GSX2: variants seen among roughly 807,000 people sequenced by gnomAD.
The protein encoded by GSX2 is genetic-screened homeobox 2.
Under a neutral mutation model 19.2 loss-of-function variants are expected in GSX2, and 16 were observed. The ratio of observed to expected loss-of-function variants is 0.84; its 90% confidence interval spans 0.57 to 1.27. The LOEUF (loss-of-function observed/expected upper bound fraction) is 1.27. GSX2 is among the 50% of genes most tolerant of loss of function. GSX2 has a pLI of 0.00. For missense variants in GSX2, 448 were observed against 428.4 expected (o/e 1.05, Z -0.40); for synonymous variants, 217 against 196.4 (o/e 1.10, Z -0.88).
In GSX2 at chr4:54,100,885, G is replaced by A. The variant is rs1718161693; in HGVS notation, c.541G>A (p.Ala181Thr). Residue 181 changes from alanine (A) to threonine (T), a missense_variant, in exon 1 of 2, where the codon GCG (alanine) becomes ACG (threonine). Transcript: ENST00000326902. ...CTGCACCGCCACCACCTACAACGTG[G>A]CGGACCCGCGGAGATTCCACTGCCT... ...PVCTATTYNV[A>T]DPRRFHCLTM... 1.3e-6 allele frequency: 2 copies of A among 1,573,156 alleles called. No individual in the cohort carries two copies. The highest frequency in any genetic ancestry group is 8.6e-7 in the Non-Finnish European group (1 of 1,167,230).
Position 54,101,789 on chromosome 4 carries a change from G to T in GSX2, c.782G>T (p.Gly261Val), listed in dbSNP as rs780361679. 33 of 1,614,244 alleles carry T rather than the reference G, an allele frequency of 2.0e-5. No individual in the cohort carries two copies. Among genetic ancestry groups the T allele is most frequent in the Non-Finnish European group, 2.8e-5 (33 of 1,180,050 alleles). ...QNRRVKHKKE[G>V]KGTQRNSHAG... ...CGCCGAGTGAAGCACAAGAAGGAGG[G>T]GAAGGGCACGCAGAGGAACAGTCAC... The change falls in exon 2 of 2, where the codon GGG (glycine) becomes GTG (valine). Residue 261 changes from glycine to valine, a missense_variant. Physicochemically the swap from Gly to Val is moderately radical, Grantham distance 109. Transcript: ENST00000326902. The surrounding 1 kb of genome is among the most constrained non-coding windows in gnomAD (Gnocchi z 5.0).
Position 54,101,790 on chromosome 4 carries a change from G to T in GSX2, c.783G>T (p.Gly261=), listed in dbSNP as rs749731942. 5 of 1,614,136 alleles carry T rather than the reference G, an allele frequency of 3.1e-6. No individual in the cohort carries two copies. Among genetic ancestry groups the T allele is most frequent in the Non-Finnish European group, 4.2e-6 (5 of 1,180,068 alleles). Residue 261 remains glycine, a synonymous_variant, in exon 2 of 2, where the codon GGG becomes GGT. Transcript: ENST00000326902. The surrounding 1 kb of genome is among the most constrained non-coding windows in gnomAD (Gnocchi z 5.0). ...QNRRVKHKKE[G]KGTQRNSHAG... is the part of the protein sequence containing the mutation. ...GCCGAGTGAAGCACAAGAAGGAGGGGAAGGGCACGCAGAGGAACAGTCACG... is the reference window on the plus strand; with the variant it reads ...GCCGAGTGAAGCACAAGAAGGAGGGTAAGGGCACGCAGAGGAACAGTCACG...
chr4:54,101,713 G>A lies in GSX2; in HGVS notation c.706G>A (p.Ala236Thr). 1 of 1,614,150 alleles carries A rather than the reference G, an allele frequency of 6.2e-7. No individual in the cohort carries two copies. Among genetic ancestry groups the A allele is most frequent in the Non-Finnish European group, 8.5e-7 (1 of 1,180,018 alleles). Reference sequence around the variant, plus strand: ...GTCTCGACTCCGGAGGATTGAAATCGCCACTTACCTGAACCTGTCGGAGAA... The same window carrying A: ...GTCTCGACTCCGGAGGATTGAAATCACCACTTACCTGAACCTGTCGGAGAA... ...YLSRLRRIEI[A>T]TYLNLSEKQV... The change falls in exon 2 of 2, where the codon GCC (alanine) becomes ACC (threonine). Residue 236 changes from alanine (A) to threonine (T), a missense_variant. Ala to Thr is a moderately conservative substitution (Grantham distance 58). Transcript: ENST00000326902. The surrounding 1 kb of genome is among the most constrained non-coding windows in gnomAD (Gnocchi z 5.0).
Position 54,100,551 on chromosome 4 carries a change from G to C in GSX2, c.207G>C (p.Leu69=). The C allele has an allele frequency of 6.2e-7, 1 of 1,607,088 alleles. No individual in the cohort carries two copies. Among genetic ancestry groups the C allele is most frequent in the Non-Finnish European group, 8.5e-7 (1 of 1,178,008 alleles). ...CVCPLCVTSH[L]HSSRGSVGAG... ...GCCCTCTCTGCGTCACTTCGCACCT[G>C]CACTCCTCTCGGGGGTCTGTGGGCG... The change falls in exon 1 of 2, where the codon CTG becomes CTC. Residue 69 remains leucine (L), a synonymous_variant. Transcript: ENST00000326902.
In GSX2 at chr4:54,100,390, T is replaced by A. The variant is rs201536623; in HGVS notation, c.46T>A (p.Ser16Thr). ...CGACTCGCTCATCATCAAGGACACC[T>A]CACGGCCTGCGCCCTCGCTGCCTGA... ...YVDSLIIKDTSRPAPSLPEPH... is the reference protein window; with the variant it reads ...YVDSLIIKDTTRPAPSLPEPH... The change falls in exon 1 of 2, where the codon TCA becomes ACA. Residue 16 changes from serine (S) to threonine (T), a missense_variant. Ser to Thr is a moderately conservative substitution (Grantham distance 58). Coordinates refer to ENST00000326902, the MANE Select transcript of GSX2 (RefSeq NM_133267.3). The A allele has an allele frequency of 9.9e-6, 16 of 1,613,932 alleles. No individual in the cohort carries two copies. In the East Asian group the frequency reaches 3.6e-4, roughly 36 times the overall value.
Position 54,100,654 on chromosome 4 carries a change from C to G in GSX2, c.310C>G (p.Leu104Val). 1.3e-6 allele frequency: 2 copies of G among 1,548,128 alleles called. No homozygotes were observed. The highest frequency in any genetic ancestry group is 2.4e-5 in the East Asian group (1 of 40,890). ...GVAGAAGALPLLKGQFSSAPG... is the reference protein window; with the variant it reads ...GVAGAAGALPVLKGQFSSAPG... ...GGCAGGGGCCGCAGGGGCACTGCCT[C>G]TGCTTAAGGGCCAGTTCTCTTCGGC... is the stretch of plus-strand genomic sequence containing the variant. Residue 104 changes from leucine to valine, a missense_variant, in exon 1 of 2, where the codon CTG becomes GTG. By Grantham distance (32) the Leu-to-Val change is conservative. Coordinates refer to ENST00000326902, the MANE Select transcript of GSX2 (RefSeq NM_133267.3).
At position 54,101,686 on chromosome 4, in the gene GSX2, C is replaced by A. The variant is rs774428828; in HGVS notation, c.679C>A (p.Leu227Met). The A allele has an allele frequency of 1.5e-5, 25 of 1,614,122 alleles. No individual in the cohort carries two copies. Among genetic ancestry groups the A allele is most frequent in the Non-Finnish European group, 2.0e-5 (24 of 1,179,954 alleles). The change falls in exon 2 of 2, where the codon CTG becomes ATG. Residue 227 changes from leucine to methionine, a missense_variant. Transcript: ENST00000326902. This position sits in a 1 kb window ranked among gnomAD's most constrained non-coding sequence, Gnocchi z 5.0. ...LEREFSSNMY[L>M]SRLRRIEIAT... The stretch of plus-strand genomic sequence containing the variant: ...GAGAGAATTCTCTTCCAACATGTAC[C>A]TGTCTCGACTCCGGAGGATTGAAAT...
rs964686380 is a variant in GSX2, at chr4:54,101,497, C to T, written c.575-85C>T. On this transcript the variant is annotated intron_variant, in intron 1 of 1. Coordinates refer to ENST00000326902, the MANE Select transcript of GSX2 (RefSeq NM_133267.3). The surrounding 1 kb of genome is among the most constrained non-coding windows in gnomAD (Gnocchi z 5.0). ...TTCGGCTGGGCTTCCCCGGGTGGGT[C>T]CCTGAAATGCGTCCTGGTTAGCACA... The T allele has an allele frequency of 3.6e-6, 3 of 840,098 alleles. No homozygotes were observed. Among genetic ancestry groups the T allele is most frequent in the African/African-American group, 3.4e-5 (2 of 58,678 alleles). The allele number at this position is 840,098 out of a possible 1,614,324, so 52.0% of individuals were successfully genotyped here. A position where few individuals can be genotyped will look rare whatever the true frequency, so the allele number is the denominator to read the frequency against.
rs893504898 is a variant in GSX2, at chr4:54,100,179, A to T, written c.-166A>T. 8.9e-5 allele frequency: 86 copies of T among 965,728 alleles called. No individual in the cohort carries two copies. Among genetic ancestry groups the T allele is most frequent in the Non-Finnish European group, 1.2e-4 (79 of 667,032 alleles). 59.8% of individuals were successfully genotyped at this position (965,728 alleles called of 1,614,324 possible). ...GCGCCGGGCGGGGGACGTGAGGACC[A>T]GCCCTCTCCGGGGACCCCTTTGTTC... On this transcript the variant is annotated 5_prime_UTR_variant, in exon 1 of 2. Coordinates refer to ENST00000326902, the MANE Select transcript of GSX2 (RefSeq NM_133267.3).
rs1718166728 is a variant in GSX2 at position 54,101,154 on chromosome 4, A to G, written c.574+236A>G. ...GTAGTAGGTGCTCGAGTATTGCCTT[A>G]TTAATACTGGGGCCTTAGGGACCTC... On this transcript the variant is annotated intron_variant, in intron 1 of 1. Transcript: ENST00000326902. The surrounding 1 kb of genome is among the most constrained non-coding windows in gnomAD (Gnocchi z 5.0). 6.6e-6 allele frequency among the ~76,000 whole-genome samples: 1 copy of G among 152,220 alleles called. No homozygotes were observed. Among genetic ancestry groups the G allele is most frequent in the Non-Finnish European group, 1.5e-5 (1 of 68,032 alleles).
Position 54,101,467 on chromosome 4 carries a change from A to G in GSX2, c.575-115A>G, listed in dbSNP as rs1718173339. The G allele has an allele frequency of 1.5e-6, 1 of 657,146 alleles. No homozygotes were observed. The highest frequency in any genetic ancestry group is 2.7e-6 in the Non-Finnish European group (1 of 371,008). 40.7% of individuals were successfully genotyped at this position (657,146 alleles called of 1,614,324 possible). On this transcript the variant is annotated intron_variant, in intron 1 of 1. Transcript: ENST00000326902. This position sits in a 1 kb window ranked among gnomAD's most constrained non-coding sequence, Gnocchi z 5.0. ...GTGCCTTGAAATGGGAAAGGGATAC[A>G]GATGTTCGGCTGGGCTTCCCCGGGT...
Position 54,101,478 on chromosome 4 carries a change from T to G in GSX2, c.575-104T>G. ...TGGGAAAGGGATACAGATGTTCGGC[T>G]GGGCTTCCCCGGGTGGGTCCCTGAA... On this transcript the variant is annotated intron_variant, in intron 1 of 1. Transcript: ENST00000326902. This position sits in a 1 kb window ranked among gnomAD's most constrained non-coding sequence, Gnocchi z 5.0. 1 of 699,798 alleles carries G rather than the reference T, an allele frequency of 1.4e-6. No homozygotes were observed. Among genetic ancestry groups the G allele is most frequent in the Non-Finnish European group, 2.5e-6 (1 of 405,966 alleles). The allele number at this position is 699,798 out of a possible 1,614,324, so 43.3% of individuals were successfully genotyped here.
chr4:54,100,444 C>T lies in GSX2; in HGVS notation c.100C>T (p.Pro34Ser), dbSNP rs1718142126. 6.2e-7 allele frequency: 1 copy of T among 1,613,910 alleles called. No homozygotes were observed. The highest frequency in any genetic ancestry group is 1.1e-5 in the South Asian group (1 of 91,092). The change falls in exon 1 of 2, where the codon CCG (proline) becomes TCG (serine). Residue 34 changes from proline (P) to serine (S), a missense_variant. Physicochemically the swap from Pro to Ser is moderately conservative, Grantham distance 74 (BLOSUM62 -1). Coordinates refer to ENST00000326902, the MANE Select transcript of GSX2 (RefSeq NM_133267.3). ...GCACCCCGGGCCGGATTTCTTCATC[C>T]CGCTTGGCATGCCGCCCCCATTGGT... ...EPHPGPDFFI[P>S]LGMPPPLVMS...
In GSX2 at chr4:54,100,566, G is replaced by A. The variant is rs755157514; in HGVS notation, c.222G>A (p.Gly74=). ...CVTSHLHSSR[G]SVGAGSGGAG... Reference sequence around the variant, plus strand: ...CTTCGCACCTGCACTCCTCTCGGGGGTCTGTGGGCGCCGGCAGCGGGGGCG... The same window carrying A: ...CTTCGCACCTGCACTCCTCTCGGGGATCTGTGGGCGCCGGCAGCGGGGGCG... Residue 74 remains glycine, a synonymous_variant, in exon 1 of 2, where the codon GGG becomes GGA. Transcript: ENST00000326902. 9.4e-6 allele frequency: 15 copies of A among 1,594,438 alleles called. No individual in the cohort carries two copies. The highest frequency in any genetic ancestry group is 2.3e-5 in the South Asian group (2 of 88,322).
rs1718179769 is a variant in GSX2 at position 54,101,780 on chromosome 4, A to G, written c.773A>G (p.Lys258Arg). 1 of 1,614,242 alleles carries G rather than the reference A, an allele frequency of 6.2e-7. No homozygotes were observed. The highest frequency in any genetic ancestry group is 8.5e-7 in the Non-Finnish European group (1 of 1,180,042). Reference protein sequence around the residue: ...IWFQNRRVKHKKEGKGTQRNS... With the variant: ...IWFQNRRVKHRKEGKGTQRNS... ...TTTCAGAACCGCCGAGTGAAGCACA[A>G]GAAGGAGGGGAAGGGCACGCAGAGG... Residue 258 changes from lysine to arginine, a missense_variant, in exon 2 of 2, where the codon AAG becomes AGG. Physicochemically the swap from Lys to Arg is conservative, Grantham distance 26 (BLOSUM62 2). Coordinates refer to ENST00000326902, the MANE Select transcript of GSX2 (RefSeq NM_133267.3). The surrounding 1 kb of genome is among the most constrained non-coding windows in gnomAD (Gnocchi z 5.0).
Position 54,102,247 on chromosome 4 carries a change from G to T in GSX2, c.*325G>T, listed in dbSNP as rs145535433. On this transcript the variant is annotated 3_prime_UTR_variant, in exon 2 of 2. Transcript: ENST00000326902. Reference sequence around the variant, plus strand: ...ATGGGGTTTTTGAAAGCACATGTCAGTTCCCCATCCCTACTCTCTTTCAGA... The same window carrying T: ...ATGGGGTTTTTGAAAGCACATGTCATTTCCCCATCCCTACTCTCTTTCAGA... 7.2e-5 allele frequency: 17 copies of T among 235,578 alleles called. No homozygotes were observed. In the East Asian group the frequency reaches 1.3e-3, roughly 18 times the overall value. The allele number at this position is 235,578 out of a possible 1,614,324, so 14.6% of individuals were successfully genotyped here. A position where few individuals can be genotyped will look rare whatever the true frequency, so the allele number is the denominator to read the frequency against.
chr4:54,100,848 C>T lies in GSX2; in HGVS notation c.504C>T (p.His168=). ...CGGCGGCCTTGGGGCACCCGCAGCA[C>T]CACGCACCTGTCTGCACCGCCACCA... ...AAAAALGHPQ[H]HAPVCTATTY... Residue 168 remains histidine, a synonymous_variant, in exon 1 of 2, where the codon CAC becomes CAT. Transcript: ENST00000326902. 1 of 1,548,770 alleles carries T rather than the reference C, an allele frequency of 6.5e-7. No homozygotes were observed. Among genetic ancestry groups the T allele is most frequent in the East Asian group, 2.5e-5 (1 of 39,246 alleles).
At position 54,102,178 on chromosome 4, in the gene GSX2, C is replaced by A. The variant is rs1718188168; in HGVS notation, c.*256C>A. 2 of 460,734 alleles carry A rather than the reference C, an allele frequency of 4.3e-6. No homozygotes were observed. The highest frequency in any genetic ancestry group is 7.7e-6 in the Non-Finnish European group (2 of 260,198). 28.5% of individuals were successfully genotyped at this position (460,734 alleles called of 1,614,324 possible). On this transcript the variant is annotated 3_prime_UTR_variant, in exon 2 of 2. Transcript: ENST00000326902. ...AACCTATAATTCAACTCATTCTTGT[C>A]GTATAACAGAGGAAAAACAGGGTTG...
At position 54,100,867 on chromosome 4, in the gene GSX2, G is replaced by T. The variant is rs1325570070; in HGVS notation, c.523G>T (p.Ala175Ser). ...HPQHHAPVCTATTYNVADPRR... is the reference protein window; with the variant it reads ...HPQHHAPVCTSTTYNVADPRR... ...GCAGCACCACGCACCTGTCTGCACC[G>T]CCACCACCTACAACGTGGCGGACCC... Residue 175 changes from alanine (A) to serine (S), a missense_variant, in exon 1 of 2, where the codon GCC (alanine) becomes TCC (serine). By Grantham distance (99) the Ala-to-Ser change is moderately conservative. Transcript: ENST00000326902. 1.3e-6 allele frequency: 2 copies of T among 1,568,254 alleles called. No homozygotes were observed. Among genetic ancestry groups the T allele is most frequent in the South Asian group, 1.1e-5 (1 of 87,332 alleles).
Sources: allele counts gnomAD v4.1 joint callset (sites outside exome capture counted in the v4.1 genomes callset), GRCh38; gene constraint gnomAD v4.1.1; non-coding constraint Gnocchi (gnomAD v3.1); transcripts MANE v1.5; gene names NCBI Gene and HGNC (gene_info 2026-07-23, HGNC 2026-07-21).